The following SHLD2 variants were observed in gnomAD, a reference collection of about 807,000 sequenced individuals.
SHLD2 encodes the protein shieldin complex subunit 2.
In SHLD2, 30 loss-of-function variants were observed where a neutral mutation model predicts 73.2. That is an observed-to-expected ratio of 0.41 (90% confidence interval 0.31 to 0.56). SHLD2 has a LOEUF of 0.56. Ranked by LOEUF, SHLD2 falls within the 20% of genes least tolerant of loss-of-function variation. SHLD2 has a pLI of 0.28. For synonymous variants in SHLD2, 285 were observed against 370.1 expected (o/e 0.77, Z 2.64); for missense variants, 745 against 1,055.9 (o/e 0.71, Z 4.08).
intron 1 of SHLD2, among the ~76,000 whole-genome samples, chr10:87,096,028 A>G (rs1841843150): frequency 6.6e-6 from 1 of 152,200 alleles, no homozygotes; most frequent in Admixed American, 6.5e-5. Flanking sequence ...GGTTCAGTAT[A>G]TGATTTATTT....
At chr10:87,108,765 G>T (rs1241632015) in intron 2 of SHLD2, among the ~76,000 whole-genome samples, 1 of 152,116 alleles carries the variant, frequency 6.6e-6, no homozygotes, top group Non-Finnish European at 1.5e-5. Flanking sequence ...TAAATACTTG[G>T]TCCTTTTGGT....
At chr10:87,158,007 A>G in intron 3 of SHLD2, 41 bp from the exon 4 acceptor site, 1 of 1,575,998 alleles carries the variant, frequency 6.3e-7, no homozygotes, top group African/African-American at 1.3e-5. Context: ...CACATTGTGA[A>G]GGAATTTATG....
chr10:87,114,457 G>A (rs1843118518), intron 2 of SHLD2: 1 of 152,160 alleles, frequency 6.6e-6, no homozygotes. Flanking sequence ...GTGTGCAGTG[G>A]CTCACGCCTA....
chr10:87,094,918 C>T (rs1242022231), upstream of SHLD2: 2 of 451,066 alleles, frequency 4.4e-6, no homozygotes, highest in Non-Finnish European at 7.5e-6. This position sits in a 1 kb window ranked among gnomAD's most constrained non-coding sequence, Gnocchi z 6.6. Flanking sequence ...CTCGGGCGCT[C>T]GCCACCTAAC....
chr10:87,100,040 C>T (rs1380460763), intron 2 of SHLD2, among the ~76,000 whole-genome samples: 1 of 151,980 alleles, frequency 6.6e-6, no homozygotes, highest in Non-Finnish European at 1.5e-5. Context: ...AAAATGTTTT[C>T]ATCCATTCTT....
At chr10:87,115,950 A>G (rs2134038060) in intron 2 of SHLD2, among the ~76,000 whole-genome samples, 1 of 152,292 alleles carries the variant, frequency 6.6e-6, no homozygotes, top group Non-Finnish European at 1.5e-5. Context: ...TGTCATGTTC[A>G]TCATTTTATC....
chr10:87,175,100 G>A (rs533283245), intron 6 of SHLD2, among the ~76,000 whole-genome samples: 25 of 125,390 alleles, frequency 2.0e-4, no homozygotes, highest in African/African-American at 7.5e-4. Flanking sequence ...CTGGGCAACA[G>A]AGCGAGACTC....
chr10:87,176,388 G>A (rs1409847825), intron 7 of SHLD2, among the ~76,000 whole-genome samples: 2 of 152,108 alleles, frequency 1.3e-5, no homozygotes, highest in African/African-American at 4.8e-5. Flanking sequence ...GGACTCAAGT[G>A]ATCCTCTTGC....
chr10:87,134,593 C>T (rs971297134), intron 2 of SHLD2, among the ~76,000 whole-genome samples: 3 of 152,116 alleles, frequency 2.0e-5, no homozygotes, highest in Non-Finnish European at 4.4e-5. Flanking sequence ...GGGCCAGTGA[C>T]GAACTGGCAT....
At chr10:87,139,774 GAGAA>G (rs1845049636) in intron 2 of SHLD2, among the ~76,000 whole-genome samples, 1 of 152,226 alleles carries the variant, frequency 6.6e-6, no homozygotes, top group Admixed American at 6.5e-5. Context: ...GCAGTGAGCT[GAGAA>G]CATGCCACTG....
intron 7 of SHLD2, among the ~76,000 whole-genome samples, chr10:87,179,626 C>A (rs1007997256): frequency 6.6e-6 from 1 of 152,212 alleles, no homozygotes; most frequent in African/African-American, 2.4e-5. Flanking sequence ...TGGTCTCGAT[C>A]TCCTGACCTC....
chr10:87,185,222 A>G (rs1848544741), intron 8 of SHLD2, among the ~76,000 whole-genome samples: 1 of 152,194 alleles, frequency 6.6e-6, no homozygotes, highest in South Asian at 2.1e-4. Context: ...TTCAAGGTCC[A>G]TCCATGTTGT....
intron 3 of SHLD2, among the ~76,000 whole-genome samples, chr10:87,156,878 G>A (rs532990259): frequency 3.9e-5 from 6 of 152,108 alleles, no homozygotes; most frequent in South Asian, 4.2e-4. Context: ...TATATCACTC[G>A]CCTGAACTCA....
chr10:87,190,377 T>A, intron 9 of SHLD2, 107 bp from the exon 10 acceptor site: 4 of 958,678 alleles, frequency 4.2e-6, no homozygotes, highest in Non-Finnish European at 6.8e-6. Flanking sequence ...AAATTTAAAA[T>A]GGGTTTGAGA....
intron 2 of SHLD2, among the ~76,000 whole-genome samples, chr10:87,139,547 T>G (rs563139141): frequency 2.3e-4 from 35 of 152,222 alleles, no homozygotes; most frequent in Non-Finnish European, 4.1e-4. Flanking sequence ...AGTATTATAA[T>G]GACTAGTAGA....
intron 2 of SHLD2, among the ~76,000 whole-genome samples, chr10:87,132,708 A>G (rs892558652): frequency 3.3e-5 from 5 of 151,522 alleles, no homozygotes; most frequent in African/African-American, 4.8e-5. Flanking sequence ...CAGGAGGTCA[A>G]GGCTGTGGTG....
chr10:87,094,747 G>A (rs772562154), upstream of SHLD2: 7 of 1,533,328 alleles, frequency 4.6e-6, no homozygotes, highest in Non-Finnish European at 6.1e-6. This position sits in a 1 kb window ranked among gnomAD's most constrained non-coding sequence, Gnocchi z 6.6. Flanking sequence ...CAGCAACAGC[G>A]CTTCGCCCAG....
intron 2 of SHLD2, among the ~76,000 whole-genome samples, chr10:87,135,361 C>CT (rs1463525411): frequency 6.6e-6 from 1 of 152,096 alleles, no homozygotes; most frequent in African/African-American, 2.4e-5. Flanking sequence ...TTTTTGATAA[C>CT]TTTGACAGTT....
chr10:87,171,686 T>C (rs577353893), intron 6 of SHLD2, among the ~76,000 whole-genome samples: 41 of 152,372 alleles, frequency 2.7e-4, no homozygotes, highest in African/African-American at 9.9e-4. Flanking sequence ...TATTATTTTT[T>C]ACCTGAAAGA....
Sources: gnomAD v4.1 joint callset for allele counts (sites outside exome capture counted in the v4.1 genomes callset) on GRCh38, gnomAD v4.1.1 for gene constraint, Gnocchi (gnomAD v3.1) non-coding constraint, MANE v1.5 for transcripts, NCBI Gene and HGNC (gene_info 2026-07-23, HGNC 2026-07-21) for gene names.